The following UQCRC2 variants were observed in gnomAD, a reference collection of about 807,000 sequenced individuals.
The protein encoded by UQCRC2 is cytochrome b-c1 complex subunit 2, mitochondrial.
Under a neutral mutation model 55.6 loss-of-function variants are expected in UQCRC2, and 49 were observed. The ratio of observed to expected loss-of-function variants is 0.88; its 90% CI spans 0.70 to 1.12. The LOEUF (loss-of-function observed/expected upper bound fraction) is 1.12. UQCRC2 is among the 50% of genes most tolerant of loss of function. The pLI is 0.00. For synonymous variants in UQCRC2, 193 were observed against 192.0 expected (o/e 1.01, Z -0.04); for missense variants, 506 against 547.8 (o/e 0.92, Z 0.76).
intron 12 of UQCRC2, 25 bp from the exon 13 acceptor site, chr16:21,980,522 C>G (rs1898696868): frequency 4.4e-6 from 7 of 1,605,476 alleles, no homozygotes; most frequent in Non-Finnish European, 5.9e-6. Context: ...CTCTCTAAAA[C>G]TGACTTCTGC....
At chr16:21,974,041 G>A in intron 11 of UQCRC2, 65 bp downstream of exon 11, 2 of 1,446,302 alleles carry the variant, frequency 1.4e-6, no homozygotes, top group Non-Finnish European at 1.9e-6. Flanking sequence ...CCATAAACAT[G>A]TTTTCGGTTA....
At chr16:21,955,295 A>G (rs761562483) in intron 1 of UQCRC2, among the ~76,000 whole-genome samples, 23 of 152,222 alleles carry the variant, frequency 1.5e-4, no homozygotes, top group Non-Finnish European at 1.6e-4. Flanking sequence ...ATTGTAATTC[A>G]TAACTGAAAA....
At chr16:21,982,589 C>A (rs190637935) in intron 13 of UQCRC2, among the ~76,000 whole-genome samples, 1 of 152,230 alleles carries the variant, frequency 6.6e-6, no homozygotes, top group East Asian at 1.9e-4. Context: ...TAAGCTTTTC[C>A]TCCCACACTG....
intron 4 of UQCRC2, among the ~76,000 whole-genome samples, chr16:21,961,755 G>A (rs1597953586): frequency 1.3e-5 from 2 of 149,204 alleles, no homozygotes; most frequent in South Asian, 4.3e-4. Context: ...GGGTTCAAGC[G>A]ATTCTCCTGC....
chr16:21,958,190 T>C (rs1040237413), intron 3 of UQCRC2, among the ~76,000 whole-genome samples: 1 of 152,078 alleles, frequency 6.6e-6, no homozygotes, highest in African/African-American at 2.4e-5. Context: ...CATATGAATG[T>C]TGATGTTAGA....
intron 7 of UQCRC2, among the ~76,000 whole-genome samples, chr16:21,967,888 A>G (rs1898365176): frequency 6.6e-6 from 1 of 152,168 alleles, no homozygotes; most frequent in African/African-American, 2.4e-5. Context: ...CTTCATTACT[A>G]CTTATATAAA....
At position 21,971,538 on chromosome 16, in the gene UQCRC2, T is replaced by A. The variant is rs769886992; in HGVS notation, c.684T>A (p.Pro228=). 7 of 1,614,038 alleles carry A rather than the reference T, an allele frequency of 4.3e-6. No homozygotes were observed. Among genetic ancestry groups the A allele is most frequent in the Non-Finnish European group, 5.9e-6 (7 of 1,179,912 alleles). The change falls in exon 9 of 14, where the codon CCT becomes CCA. Residue 228 remains proline, a synonymous_variant. Coordinates refer to ENST00000268379, the MANE Select transcript of UQCRC2 (RefSeq NM_003366.4). The part of the protein sequence containing the change: ...MALIGLGVSH[P]VLKQVAEQFL... The stretch of plus-strand genomic sequence containing the variant: ...CTGTTGAAACAGGTGTGAGTCATCC[T>A]GTTCTAAAGCAAGTTGCTGAACAGT...
At chr16:21,964,655 T>TC (rs1468270728) in intron 6 of UQCRC2, among the ~76,000 whole-genome samples, 1 of 152,210 alleles carries the variant, frequency 6.6e-6, no homozygotes, top group Non-Finnish European at 1.5e-5. Flanking sequence ...GTAAGATGGA[T>TC]CCCACATATT....
chr16:21,980,046 A>G (rs1412871700), intron 12 of UQCRC2, among the ~76,000 whole-genome samples: 2 of 152,212 alleles, frequency 1.3e-5, no homozygotes, highest in African/African-American at 4.8e-5. Flanking sequence ...AACCTGGGCC[A>G]AGCTATGATG....
intron 12 of UQCRC2, among the ~76,000 whole-genome samples, chr16:21,978,959 G>A (rs752216151): frequency 2.0e-5 from 3 of 152,082 alleles, no homozygotes; most frequent in Non-Finnish European, 4.4e-5. Flanking sequence ...AGACACCCCC[G>A]AAACCTGCCA....
chr16:21,961,663 T>TATATATATATACATAC (rs1898207527), intron 4 of UQCRC2, among the ~76,000 whole-genome samples: 1 of 113,286 alleles, frequency 8.8e-6, no homozygotes, highest in African/African-American at 4.3e-5. Context: ...TATATATATA[T>TATATATATATACATAC]ATATATTTTA....
chr16:21,973,793 G>A (rs941464311), intron 10 of UQCRC2, 103 bp from the exon 11 acceptor site: 2 of 953,452 alleles, frequency 2.1e-6, no homozygotes, highest in Non-Finnish European at 3.3e-6. Context: ...AATCTATTTT[G>A]TTTATACCGT....
intron 4 of UQCRC2, 33 bp from the exon 5 acceptor site, chr16:21,962,427 A>G (rs763317327): frequency 1.2e-6 from 2 of 1,612,590 alleles, no homozygotes; most frequent in South Asian, 2.2e-5. Context: ...ATCCTGATTC[A>G]GATGATTTAC....
chr16:21,980,334 A>G (rs1427081719), intron 12 of UQCRC2: 1 of 529,010 alleles, frequency 1.9e-6, no homozygotes, highest in African/African-American at 1.9e-5. Flanking sequence ...ACACTTTGGC[A>G]ACCCTGAAGA....
At chr16:21,970,794 T>C (rs1898440949) in intron 8 of UQCRC2, among the ~76,000 whole-genome samples, 1 of 152,092 alleles carries the variant, frequency 6.6e-6, no homozygotes, top group African/African-American at 2.4e-5. Flanking sequence ...CCATGTTGGC[T>C]GGACTGGTCT....
intron 10 of UQCRC2, among the ~76,000 whole-genome samples, chr16:21,972,532 A>G (rs1241633038): frequency 1.3e-5 from 2 of 152,190 alleles, no homozygotes; most frequent in Non-Finnish European, 2.9e-5. Flanking sequence ...GATGAACACC[A>G]AGAAATTGTT....
At chr16:21,981,274 A>G (rs1001187870) in intron 13 of UQCRC2, among the ~76,000 whole-genome samples, 9 of 152,204 alleles carry the variant, frequency 5.9e-5, no homozygotes, top group Non-Finnish European at 1.2e-4. Flanking sequence ...GGCAAGGACT[A>G]TGTCATGTAC....
intron 10 of UQCRC2, among the ~76,000 whole-genome samples, chr16:21,972,800 A>C (rs1898493203): frequency 6.6e-6 from 1 of 152,166 alleles, no homozygotes; most frequent in African/African-American, 2.4e-5. Flanking sequence ...CAGAATTATA[A>C]TTAAAGAAAT....
intron 7 of UQCRC2, 150 bp from the exon 8 acceptor site, chr16:21,968,478 G>A (rs1020658599): frequency 1.9e-6 from 1 of 519,576 alleles, no homozygotes; most frequent in African/African-American, 2.0e-5. Flanking sequence ...AAATCCCAGG[G>A]TAATTCACCT....
Sources: allele counts gnomAD v4.1 joint callset (sites outside exome capture counted in the v4.1 genomes callset), GRCh38; gene constraint gnomAD v4.1.1; transcripts MANE v1.5; gene names NCBI Gene and HGNC (gene_info 2026-07-23, HGNC 2026-07-21).